Variants in PTPRD observed in about 807,000 individuals in gnomAD.
PTPRD encodes the protein receptor-type tyrosine-protein phosphatase delta.
In PTPRD, 34 loss-of-function variants were observed where a neutral mutation model predicts 214.5. That is an observed-to-expected ratio of 0.16 (90% confidence interval 0.12 to 0.21). The LOEUF (loss-of-function observed/expected upper bound fraction) is 0.21, where lower values mean the gene tolerates loss of function less well. Among genes scored for constraint, PTPRD ranks in the 10% least tolerant of loss-of-function variants. PTPRD has a pLI of 1.00. For missense variants in PTPRD, 2,545 were observed against 2,398.7 expected (o/e 1.06, Z -1.27); for synonymous variants, 1,128 against 845.7 (o/e 1.33, Z -5.79).
chr9:8,991,066 A>T (rs1191662643), intron 11 of PTPRD, among the ~76,000 whole-genome samples: 1 of 151,576 alleles, frequency 6.6e-6, no homozygotes, highest in East Asian at 1.9e-4. Context: ...AATAAAAAAA[A>T]AAATTAGCCA....
intron 3 of PTPRD, among the ~76,000 whole-genome samples, chr9:10,224,659 G>A (rs1182484410): frequency 6.6e-6 from 1 of 151,682 alleles, no homozygotes; most frequent in Non-Finnish European, 1.5e-5. Context: ...ATGTGCCATT[G>A]ACCCTTGAAC....
rs745770568 is a variant in PTPRD at position 8,486,193 on chromosome 9, T to C, written c.2624A>G (p.Glu875Gly). 16 of 1,614,220 alleles carry C rather than the reference T, an allele frequency of 9.9e-6. No individual in the cohort carries two copies. In the East Asian group the frequency reaches 2.7e-4, roughly 27 times the overall value. Residue 875 changes from glutamate to glycine, a missense_variant, in exon 28 of 46, where the codon GAA (glutamate) becomes GGA (glycine). Glu to Gly is a moderately conservative substitution (Grantham distance 98). Transcript: ENST00000381196. ...MEPLTTLEFSEKEDHFTATDI... is the reference protein window; with the variant it reads ...MEPLTTLEFSGKEDHFTATDI... The stretch of plus-strand genomic sequence containing the variant: ...TGTAGCTGTAAAGTGATCTTCTTTT[T>C]CAGAGAACTCAAGAGTAGTAAGTGG...
chr9:8,524,757 A>G (rs771029521), intron 18 of PTPRD, 168 bp downstream of exon 18: 1 of 757,100 alleles, frequency 1.3e-6, no homozygotes, highest in Non-Finnish European at 2.4e-6. Context: ...TTGGAGTTAA[A>G]CAACACATTT....
At chr9:9,802,385 G>A (rs1363797622) in intron 5 of PTPRD, among the ~76,000 whole-genome samples, 1 of 151,792 alleles carries the variant, frequency 6.6e-6, no homozygotes, top group East Asian at 1.9e-4. Context: ...CTTGCTCCCT[G>A]CCTCCTTAGA....
At chr9:9,281,838 A>T (rs1277426489) in intron 9 of PTPRD, among the ~76,000 whole-genome samples, 1 of 151,126 alleles carries the variant, frequency 6.6e-6, no homozygotes, top group Non-Finnish European at 1.5e-5. Context: ...CAAAAAAAAA[A>T]CTTGAAAGCA....
chr9:8,516,378 A>C lies in PTPRD; in HGVS notation c.1543+1470T>G, dbSNP rs116094786. Reference sequence around the variant, plus strand: ...TTATAGCTGGCTTTCCTACAATGTCATAGAGAAAAGAGTAAATCCATGAAC... The same window carrying C: ...TTATAGCTGGCTTTCCTACAATGTCCTAGAGAAAAGAGTAAATCCATGAAC... On this transcript the variant is annotated intron_variant, in intron 21 of 45. Coordinates refer to ENST00000381196, the MANE Select transcript of PTPRD (RefSeq NM_002839.4). Among the ~76,000 whole-genome samples, 410 of 152,326 alleles carry C rather than the reference A, an allele frequency of 2.7e-3. 1 individual carries two copies. Among genetic ancestry groups the C allele is most frequent in the African/African-American group, 9.6e-3 (399 of 41,582 alleles).
chr9:8,930,111 C>G (rs76285831), intron 11 of PTPRD, among the ~76,000 whole-genome samples: 2 of 145,254 alleles, frequency 1.4e-5, no homozygotes, highest in African/African-American at 5.2e-5. Context: ...CCCTCCCACC[C>G]CCCCCCACAC....
chr9:9,708,457 C>T (rs150100477), intron 7 of PTPRD, among the ~76,000 whole-genome samples: 2 of 152,136 alleles, frequency 1.3e-5, no homozygotes, highest in African/African-American at 2.4e-5. Flanking sequence ...TGACTGGATT[C>T]ACATTACATA....
chr9:8,504,855 T>C (rs968496812), intron 22 of PTPRD, among the ~76,000 whole-genome samples: 10 of 152,262 alleles, frequency 6.6e-5, no homozygotes, highest in South Asian at 6.2e-4. Context: ...GAAATCTCAA[T>C]TGGAGGCAAA....
chr9:9,192,063 G>C (rs958791446), intron 9 of PTPRD, among the ~76,000 whole-genome samples: 24 of 151,972 alleles, frequency 1.6e-4, no homozygotes, highest in African/African-American at 5.8e-4. Flanking sequence ...GGAGTGCAGG[G>C]ACAGTGTGAG....
At chr9:9,869,929 G>C (rs1014784392) in intron 5 of PTPRD, among the ~76,000 whole-genome samples, 4 of 151,898 alleles carry the variant, frequency 2.6e-5, no homozygotes, top group African/African-American at 9.7e-5. Flanking sequence ...ATTAAGCAAT[G>C]GTTGCTAATT....
chr9:10,182,526 ATATCTC>A (rs2099304084), intron 3 of PTPRD, among the ~76,000 whole-genome samples: 1 of 152,070 alleles, frequency 6.6e-6, no homozygotes, highest in Non-Finnish European at 1.5e-5. Context: ...TTTATCAGTA[ATATCTC>A]TAAGTGTTTA....
At chr9:9,529,673 T>C (rs1371990307) in intron 8 of PTPRD, among the ~76,000 whole-genome samples, 1 of 151,616 alleles carries the variant, frequency 6.6e-6, no homozygotes, top group Non-Finnish European at 1.5e-5. Context: ...CTCTCACTCA[T>C]TGCTGGTGGA....
chr9:8,599,495 C>T (rs987814573), intron 14 of PTPRD, among the ~76,000 whole-genome samples: 1 of 151,296 alleles, frequency 6.6e-6, no homozygotes, highest in Non-Finnish European at 1.5e-5. Flanking sequence ...TTTTTTGATA[C>T]TTTTTTTTCT....
chr9:10,433,665 C>T (rs972409151), intron 2 of PTPRD, among the ~76,000 whole-genome samples: 6 of 151,744 alleles, frequency 4.0e-5, no homozygotes, highest in African/African-American at 1.5e-4. Flanking sequence ...GGGAGGAATA[C>T]AACATTATAA....
intron 10 of PTPRD, among the ~76,000 whole-genome samples, chr9:9,086,908 AC>A (rs1445995722): frequency 1.3e-5 from 2 of 152,204 alleles, no homozygotes; most frequent in Non-Finnish European, 2.9e-5. Context: ...TAGGTACCAT[AC>A]AATAGCAAAA....
intron 27 of PTPRD, among the ~76,000 whole-genome samples, chr9:8,487,186 C>A (rs1270758506): frequency 6.6e-6 from 1 of 152,150 alleles, no homozygotes; most frequent in African/African-American, 2.4e-5. Flanking sequence ...GCATGAGGTT[C>A]TGCATTCTAT....
At chr9:8,327,716 G>A (rs1305849149) in intron 44 of PTPRD, among the ~76,000 whole-genome samples, 2 of 152,058 alleles carry the variant, frequency 1.3e-5, no homozygotes, top group African/African-American at 4.8e-5. Context: ...GAATCTGCAT[G>A]CTCCTGTAGA....
intron 7 of PTPRD, among the ~76,000 whole-genome samples, chr9:9,617,681 G>T (rs991475370): frequency 1.3e-5 from 2 of 152,118 alleles, no homozygotes; most frequent in Non-Finnish European, 2.9e-5. Flanking sequence ...TTTGAAGGGT[G>T]GGGTGAAGTA....
Sources: gnomAD v4.1 joint callset for allele counts (sites outside exome capture counted in the v4.1 genomes callset) on GRCh38, gnomAD v4.1.1 for gene constraint, MANE v1.5 for transcripts, NCBI Gene and HGNC (gene_info 2026-07-23, HGNC 2026-07-21) for gene names.